Variants in IQSEC1 observed in about 807,000 individuals in gnomAD.
IQSEC1 encodes the protein IQ motif and Sec7 domain ArfGEF 1.
In IQSEC1, 31 loss-of-function variants were observed where a neutral mutation model predicts 91.0. The ratio of observed to expected loss-of-function variants is 0.34; its 90% confidence interval spans 0.26 to 0.46. The LOEUF is 0.46. Among genes scored for constraint, IQSEC1 ranks in the 20% least tolerant of loss-of-function variants. The pLI is 1.00. For missense variants in IQSEC1, 1,388 were observed against 1,575.6 expected (o/e 0.88, Z 2.02); for synonymous variants, 699 against 662.6 (o/e 1.05, Z -0.84).
intron 1 of IQSEC1, among the ~76,000 whole-genome samples, chr3:13,018,999 C>G (rs1251677840): frequency 1.1e-4 from 16 of 152,220 alleles, no homozygotes; most frequent in Admixed American, 1.0e-3. Flanking sequence ...CACAGCCATG[C>G]ACCCTGCTGG....
chr3:12,901,520 C>T lies in IQSEC1; in HGVS notation c.2808G>A (p.Gly936=), dbSNP rs1397701968. 5 of 1,547,778 alleles carry T rather than the reference C, an allele frequency of 3.2e-6. No individual in the cohort carries two copies. Among genetic ancestry groups the T allele is most frequent in the Non-Finnish European group, 4.4e-6 (5 of 1,145,804 alleles). Residue 936 remains glycine (G), a splice_region_variant and synonymous_variant, in exon 14 of 14, where the codon GGG becomes GGA. Coordinates refer to ENST00000613206, the MANE Select transcript of IQSEC1 (RefSeq NM_001134382.3). Reference sequence around the variant, plus strand: ...GCATGTGAGGACTGCTAATGATGGACCCCTAAAAAGGAAATTCATAGAAAT... The same window carrying T: ...GCATGTGAGGACTGCTAATGATGGATCCCTAAAAAGGAAATTCATAGAAAT... ...SAGSLESNVE[G]SIISSPHMRR...
Position 12,936,620 on chromosome 3 carries a change from G to A in IQSEC1, c.396C>T (p.Arg132=), listed in dbSNP as rs1241123345. Residue 132 remains arginine, a synonymous_variant, in exon 3 of 14, where the codon CGC becomes CGT. Coordinates refer to ENST00000613206, the MANE Select transcript of IQSEC1 (RefSeq NM_001134382.3). ...CGAAGTTCTTGTTCATCTGGTACTG[G>A]CGAAACGCCGTCTGGATGGTGCGGG... is the stretch of plus-strand genomic sequence containing the variant. The part of the protein sequence containing the change: ...HAARTIQTAF[R]QYQMNKNFER... 6.2e-7 allele frequency: 1 copy of A among 1,612,256 alleles called. No individual in the cohort carries two copies. The highest frequency in any genetic ancestry group is 2.2e-5 in the East Asian group (1 of 44,860).
intron 2 of IQSEC1, among the ~76,000 whole-genome samples, chr3:13,150,163 T>C (rs1268272552): frequency 6.6e-6 from 1 of 152,204 alleles, no homozygotes; most frequent in Non-Finnish European, 1.5e-5. Context: ...CTATGCACTT[T>C]TTCCCAACAG....
In IQSEC1 at chr3:12,908,679, C is replaced by G. The variant is rs1013678066; in HGVS notation, c.2579-154G>C. Among the ~76,000 whole-genome samples, 5 of 151,762 alleles carry G rather than the reference C, an allele frequency of 3.3e-5. No homozygotes were observed. The highest frequency in any genetic ancestry group is 1.2e-4 in the African/African-American group (5 of 41,288). On this transcript the variant is annotated intron_variant, in intron 11 of 13. Coordinates refer to ENST00000613206, the MANE Select transcript of IQSEC1 (RefSeq NM_001134382.3). The surrounding 1 kb of genome is among the most constrained non-coding windows in gnomAD (Gnocchi z 4.9). ...TGGGAAAGAGGGTGTGATGGCCACC[C>G]TGGACAAAAGAGCAGAAAGGAGATC...
At chr3:12,931,478 A>G (rs1697667472) in intron 3 of IQSEC1, among the ~76,000 whole-genome samples, 1 of 152,184 alleles carries the variant, frequency 6.6e-6, no homozygotes, top group Admixed American at 6.5e-5. Flanking sequence ...CAGTGAGACA[A>G]TAGGCGGAAG....
At chr3:13,240,769 C>A (rs1431312577) in intron 1 of IQSEC1, among the ~76,000 whole-genome samples, 4 of 152,122 alleles carry the variant, frequency 2.6e-5, no homozygotes, top group Non-Finnish European at 5.9e-5. Flanking sequence ...ATGAAAGACC[C>A]GGGAGGATGC....
At chr3:13,022,578 C>T (rs962733771) in intron 1 of IQSEC1, 9 of 475,504 alleles carry the variant, frequency 1.9e-5, no homozygotes, top group Admixed American at 6.4e-5. Flanking sequence ...ATGGGAGAGG[C>T]GAGCTCAGAG....
At chr3:13,027,068 G>A (rs1375583515) in intron 1 of IQSEC1, among the ~76,000 whole-genome samples, 5 of 152,134 alleles carry the variant, frequency 3.3e-5, no homozygotes, top group African/African-American at 4.8e-5. Context: ...GCAAGGCGCA[G>A]GAAGGCACAT....
rs370467794 is a variant in IQSEC1 at position 13,211,962 on chromosome 3, C to T, written c.273-47829G>A. 4.2e-4 allele frequency among the ~76,000 whole-genome samples: 64 copies of T among 152,332 alleles called. 5 individuals carry two copies. In the East Asian group the frequency reaches 4.2e-3, roughly 10 times the overall value. On this transcript the variant is annotated intron_variant, in intron 1 of 15. Transcript: ENST00000648114. The surrounding 1 kb of genome is among the most constrained non-coding windows in gnomAD (Gnocchi z 5.3). ...GTTTTTGAGCCCCTGTGGGCTCTGG[C>T]GCGTGTCGGTGCCCAGCCTCTGTGA...
At chr3:12,936,758 A>G in intron 2 of IQSEC1, 61 bp from the exon 3 acceptor site, 1 of 1,441,904 alleles carries the variant, frequency 6.9e-7, no homozygotes, top group Non-Finnish European at 9.2e-7. Flanking sequence ...GACATTTACC[A>G]AACTCCTTCC....
In IQSEC1 at chr3:12,992,974, G is replaced by A. The variant is rs1295634294; in HGVS notation, c.24-51109C>T. Among the ~76,000 whole-genome samples, 2 of 152,128 alleles carry A rather than the reference G, an allele frequency of 1.3e-5. No individual in the cohort carries two copies. Among genetic ancestry groups the A allele is most frequent in the Non-Finnish European group, 2.9e-5 (2 of 68,008 alleles). On this transcript the variant is annotated intron_variant, in intron 1 of 13. Transcript: ENST00000613206. The surrounding 1 kb of genome is among the most constrained non-coding windows in gnomAD (Gnocchi z 4.1). ...GCCCAAGGGCAGGTGGTTTTGTAGC[G>A]GGAGGTTGCGGTGGGGGCGGGGGTC...
At chr3:13,174,515 C>T (rs945846803) in intron 1 of IQSEC1, among the ~76,000 whole-genome samples, 1 of 152,156 alleles carries the variant, frequency 6.6e-6, no homozygotes, top group Non-Finnish European at 1.5e-5. Context: ...AGCGCTCAGG[C>T]AAAACACTGG....
chr3:13,059,220 G>C (rs956238829), intron 1 of IQSEC1, among the ~76,000 whole-genome samples: 1 of 152,102 alleles, frequency 6.6e-6, no homozygotes, highest in African/African-American at 2.4e-5. Context: ...CCCACCCCAG[G>C]GGCCCATCTC....
At chr3:12,903,696 G>A (rs751469332) in intron 12 of IQSEC1, among the ~76,000 whole-genome samples, 37 of 152,194 alleles carry the variant, frequency 2.4e-4, no homozygotes, top group African/African-American at 3.6e-4. Context: ...GGACTTCTCC[G>A]TGGATTTTTT....
chr3:13,192,095 G>A (rs367718111), intron 1 of IQSEC1, among the ~76,000 whole-genome samples: 153 of 152,258 alleles, frequency 1.0e-3, no homozygotes, highest in African/African-American at 3.4e-3. Context: ...CAGCACTTTG[G>A]GAGGCCGAGG....
At chr3:12,902,979 G>A (rs1296193222) in intron 12 of IQSEC1, among the ~76,000 whole-genome samples, 157 bp from the exon 13 acceptor site, 5 of 152,206 alleles carry the variant, frequency 3.3e-5, no homozygotes, top group African/African-American at 4.8e-5. Flanking sequence ...GTGAGGGGTC[G>A]GAGGAGGGGC....
chr3:12,956,894 T>G (rs1261627503), intron 1 of IQSEC1, among the ~76,000 whole-genome samples: 2 of 152,240 alleles, frequency 1.3e-5, no homozygotes. Context: ...CCTGCTCCGC[T>G]TGCCCAACGG....
intron 2 of IQSEC1, among the ~76,000 whole-genome samples, chr3:13,163,464 T>C (rs1707217257): frequency 6.6e-6 from 1 of 152,138 alleles, no homozygotes; most frequent in Non-Finnish European, 1.5e-5. Context: ...CATGGCCTTC[T>C]TGGTCCCCCA....
chr3:13,043,147 C>T (rs996432815), intron 1 of IQSEC1, among the ~76,000 whole-genome samples: 3 of 152,140 alleles, frequency 2.0e-5, no homozygotes, highest in South Asian at 2.1e-4. Flanking sequence ...GGAATCCTGT[C>T]GCTAACCAGG....
Sources: gnomAD v4.1 joint callset for allele counts (sites outside exome capture counted in the v4.1 genomes callset) on GRCh38, gnomAD v4.1.1 for gene constraint, Gnocchi (gnomAD v3.1) non-coding constraint, MANE v1.5 for transcripts, NCBI Gene and HGNC (gene_info 2026-07-23, HGNC 2026-07-21) for gene names.